PPARGC1B: variants seen among roughly 807,000 people sequenced by gnomAD.
PPARGC1B encodes PPARG coactivator 1 beta.
PPARGC1B carries 34 observed loss-of-function variants against 101.6 expected under a neutral mutation model. That is an observed-to-expected ratio of 0.33 (90% CI 0.25 to 0.45). PPARGC1B has a LOEUF of 0.45. PPARGC1B is among the 20% of genes least tolerant of loss of function. The pLI, the probability that PPARGC1B is intolerant of heterozygous loss-of-function variation, is 1.00. For synonymous variants in PPARGC1B, 548 were observed against 539.3 expected, an observed-to-expected ratio of 1.02 and a Z score of -0.22; for missense variants, 1,234 against 1,317.6, an observed-to-expected ratio of 0.94 and a Z score of 0.98.
intron 2 of PPARGC1B, among the ~76,000 whole-genome samples, chr5:149,825,200 C>T (rs7718726): frequency 1.2e-4 from 18 of 152,260 alleles, no homozygotes; most frequent in African/African-American, 3.6e-4. Flanking sequence ...GGGGAACACA[C>T]GCCGACCCTC....
At chr5:149,754,114 G>T (rs145293678) in intron 1 of PPARGC1B, among the ~76,000 whole-genome samples, 1 of 152,354 alleles carries the variant, frequency 6.6e-6, no homozygotes, top group East Asian at 1.9e-4. Context: ...CACCCACACA[G>T]CATGTTATTA....
intron 1 of PPARGC1B, among the ~76,000 whole-genome samples, chr5:149,792,081 C>T (rs1271281691): frequency 1.3e-5 from 2 of 151,836 alleles, no homozygotes; most frequent in Non-Finnish European, 2.9e-5. Flanking sequence ...AACAGAGTGG[C>T]CTGGGAGGGA....
intron 1 of PPARGC1B, among the ~76,000 whole-genome samples, chr5:149,813,452 G>A (rs2113333489): frequency 6.6e-6 from 1 of 152,264 alleles, no homozygotes; most frequent in Non-Finnish European, 1.5e-5. Context: ...TCCCCCAACA[G>A]AAACCACAAG....
At chr5:149,738,360 G>A (rs779137592) in intron 1 of PPARGC1B, among the ~76,000 whole-genome samples, 32 of 152,320 alleles carry the variant, frequency 2.1e-4, no homozygotes, top group Admixed American at 1.4e-3. Flanking sequence ...TCCGTGCCTG[G>A]AACATAACAG....
chr5:149,817,755 A>G (rs1313520412), intron 1 of PPARGC1B: 1 of 456,740 alleles, frequency 2.2e-6, no homozygotes, highest in Non-Finnish European at 4.4e-6. Flanking sequence ...AATTGAACTC[A>G]TACAGCTGAT....
intron 1 of PPARGC1B, among the ~76,000 whole-genome samples, chr5:149,810,640 C>G (rs1289641534): frequency 1.3e-5 from 2 of 152,238 alleles, no homozygotes; most frequent in Non-Finnish European, 2.9e-5. Flanking sequence ...TTTCCCTTAT[C>G]ATTTAAAGAG....
At chr5:149,823,216 G>T (rs983508285) in intron 2 of PPARGC1B, among the ~76,000 whole-genome samples, 1 of 152,212 alleles carries the variant, frequency 6.6e-6, no homozygotes, top group African/African-American at 2.4e-5. Context: ...CTTTGGTTGG[G>T]CCTCAGTTTT....
chr5:149,739,066 C>T (rs1021986910), intron 1 of PPARGC1B, among the ~76,000 whole-genome samples: 7 of 152,116 alleles, frequency 4.6e-5, no homozygotes, highest in Non-Finnish European at 8.8e-5. Flanking sequence ...CCTAGAAGAG[C>T]GTTTTATAGG....
rs77749577 is a variant in PPARGC1B at position 149,829,272 on chromosome 5, C to G, written c.466-1495C>G. On this transcript the variant is annotated intron_variant, in intron 3 of 11. Coordinates refer to ENST00000309241, the MANE Select transcript of PPARGC1B (RefSeq NM_133263.4). ...AGTCTCTCTGCCCCTGCTCATTACA[C>G]CAATGGAGGAATCAAGGCTCTCACA... Among the ~76,000 whole-genome samples, 1,357 of 152,258 alleles carry G rather than the reference C, an allele frequency of 8.9e-3. 25 individuals carry two copies. The highest frequency in any genetic ancestry group is 0.031 in the African/African-American group (1,307 of 41,550).
intron 1 of PPARGC1B, among the ~76,000 whole-genome samples, chr5:149,746,689 G>A (rs1255391212): frequency 6.6e-6 from 1 of 152,042 alleles, no homozygotes; most frequent in Non-Finnish European, 1.5e-5. Context: ...GTTTTCCATG[G>A]TGGCTGTACC....
At chr5:149,845,702 TCTC>T (rs1037859256) in intron 10 of PPARGC1B, 55 bp from the exon 11 acceptor site, 80 of 1,505,932 alleles carry the variant, frequency 5.3e-5, no homozygotes, top group Middle Eastern at 4.6e-4. Flanking sequence ...TAATGGGTGG[TCTC>T]ACAGTGTCCA....
intron 1 of PPARGC1B, among the ~76,000 whole-genome samples, chr5:149,808,760 T>C (rs1250658589): frequency 1.3e-5 from 2 of 152,190 alleles, no homozygotes; most frequent in African/African-American, 4.8e-5. Flanking sequence ...GCATGTTTAT[T>C]GAGCACCTAC....
At chr5:149,734,121 G>A (rs572794812) in intron 1 of PPARGC1B, among the ~76,000 whole-genome samples, 60 of 151,590 alleles carry the variant, frequency 4.0e-4, no homozygotes, top group African/African-American at 1.5e-3. Context: ...CAGGAGTTCC[G>A]GACCAGCCTG....
rs1384029602 is a variant in PPARGC1B at position 149,811,216 on chromosome 5, G to GATCTAGT, written c.79-9217_79-9216insATCTAGT. ...CATAGTCCACACCCACAGTGCCAGGGTTCTAGTTTCCAGTTTCAGGATGCA... is the reference window on the plus strand; with the variant it reads ...CATAGTCCACACCCACAGTGCCAGGGATCTAGTTTCTAGTTTCCAGTTTCAGGATGCA... On this transcript the variant is annotated intron_variant, in intron 1 of 11. Coordinates refer to ENST00000309241, the MANE Select transcript of PPARGC1B (RefSeq NM_133263.4). Among the ~76,000 whole-genome samples, 4 of 152,154 alleles carry GATCTAGT rather than the reference G, an allele frequency of 2.6e-5. No homozygotes were observed. The South Asian group carries it at 8.3e-4, about 31-fold the overall frequency.
At chr5:149,846,054 T>G in intron 11 of PPARGC1B, 140 bp downstream of exon 11, 2 of 993,330 alleles carry the variant, frequency 2.0e-6, no homozygotes, top group East Asian at 2.6e-5. Context: ...TTGGTATAAC[T>G]TTGCAGCCAC....
At chr5:149,765,501 G>C (rs1230203061) in intron 1 of PPARGC1B, among the ~76,000 whole-genome samples, 1 of 152,106 alleles carries the variant, frequency 6.6e-6, no homozygotes, top group Non-Finnish European at 1.5e-5. Flanking sequence ...CTGTGAGGTC[G>C]ATGGCTGTAA....
At chr5:149,842,463 G>A in intron 10 of PPARGC1B, 86 bp downstream of exon 10, 1 of 1,552,930 alleles carries the variant, frequency 6.4e-7, no homozygotes, top group East Asian at 2.3e-5. Context: ...AGATGCCCAA[G>A]ATTTGTGAAA....
intron 1 of PPARGC1B, among the ~76,000 whole-genome samples, chr5:149,731,473 C>T (rs931521442): frequency 1.3e-4 from 20 of 152,146 alleles, no homozygotes; most frequent in Non-Finnish European, 2.1e-4. Context: ...CTCGGAGGAG[C>T]CCCGGGTGCT....
intron 1 of PPARGC1B, among the ~76,000 whole-genome samples, chr5:149,743,155 C>CTTT (rs1181226228): frequency 1.5e-5 from 2 of 134,364 alleles, no homozygotes; most frequent in African/African-American, 2.7e-5. Context: ...TGTGTTTATT[C>CTTT]TTTTTTTTTT....
Sources: gnomAD v4.1 joint callset for allele counts (sites outside exome capture counted in the v4.1 genomes callset) on GRCh38, gnomAD v4.1.1 for gene constraint, MANE v1.5 for transcripts, NCBI Gene and HGNC (gene_info 2026-07-23, HGNC 2026-07-21) for gene names.